DRC11: variants seen among roughly 807,000 people sequenced by gnomAD.
The protein encoded by DRC11 is IQ and AAA domain-containing protein 1.
chr2:236,488,346 A>G, the DRC11 span, among the ~76,000 whole-genome samples: 36 of 152,332 alleles, frequency 2.4e-4, no homozygotes, highest in Admixed American at 2.2e-3. Flanking sequence ...TCATTTTTCC[A>G]GTGAATGATG....
the DRC11 span, among the ~76,000 whole-genome samples, chr2:236,309,389 T>G: frequency 6.6e-6 from 1 of 152,044 alleles, no homozygotes; most frequent in African/African-American, 2.4e-5. The surrounding 1 kb of genome is among the most constrained non-coding windows in gnomAD (Gnocchi z 5.7). Flanking sequence ...CCCGAGAGGT[T>G]CCAGGGTCCC....
At chr2:236,351,338 C>T in the DRC11 span, among the ~76,000 whole-genome samples, 1 of 152,034 alleles carries the variant, frequency 6.6e-6, no homozygotes, top group African/African-American at 2.4e-5. This position sits in a 1 kb window ranked among gnomAD's most constrained non-coding sequence, Gnocchi z 7.3. Flanking sequence ...GAACCAGGAA[C>T]GGAGACCGCA....
the DRC11 span, among the ~76,000 whole-genome samples, chr2:236,317,690 G>A: frequency 6.6e-6 from 1 of 152,120 alleles, no homozygotes; most frequent in Non-Finnish European, 1.5e-5. This position sits in a 1 kb window ranked among gnomAD's most constrained non-coding sequence, Gnocchi z 5.4. Flanking sequence ...CACCCCTCAT[G>A]GATATTTACA....
the DRC11 span, chr2:236,368,398 T>G: frequency 1.5e-6 from 1 of 660,976 alleles, no homozygotes; most frequent in African/African-American, 1.8e-5. Flanking sequence ...GAATACAAAT[T>G]GAACATTTCA....
the DRC11 span, among the ~76,000 whole-genome samples, chr2:236,373,490 A>T: frequency 6.6e-6 from 1 of 152,034 alleles, no homozygotes; most frequent in Admixed American, 6.6e-5. Flanking sequence ...ACCTCCAATG[A>T]TCCGCCCACC....
chr2:236,418,403 C>T, the DRC11 span, among the ~76,000 whole-genome samples: 1 of 152,200 alleles, frequency 6.6e-6, no homozygotes, highest in Admixed American at 6.5e-5. Context: ...GAGCTGATTC[C>T]GACTGGATTT....
At chr2:236,410,919 G>A in the DRC11 span, among the ~76,000 whole-genome samples, 3 of 146,068 alleles carry the variant, frequency 2.1e-5, no homozygotes, top group Non-Finnish European at 3.0e-5. Context: ...AGACTTAAAC[G>A]TTAGATCTAA....
At chr2:236,397,313 C>T in the DRC11 span, among the ~76,000 whole-genome samples, 2 of 152,342 alleles carry the variant, frequency 1.3e-5, no homozygotes, top group South Asian at 4.1e-4. This position sits in a 1 kb window ranked among gnomAD's most constrained non-coding sequence, Gnocchi z 5.0. Context: ...ATTGTCTTTA[C>T]ATAGTCGTAT....
chr2:236,362,928 T>G, the DRC11 span, among the ~76,000 whole-genome samples: 1 of 152,160 alleles, frequency 6.6e-6, no homozygotes, highest in African/African-American at 2.4e-5. This position sits in a 1 kb window ranked among gnomAD's most constrained non-coding sequence, Gnocchi z 5.7. Flanking sequence ...TTTGGTGTAT[T>G]AGCGTGACAC....
At chr2:236,399,564 G>T in the DRC11 span, 3 of 1,231,406 alleles carry the variant, frequency 2.4e-6, no homozygotes, top group African/African-American at 1.5e-5. This position sits in a 1 kb window ranked among gnomAD's most constrained non-coding sequence, Gnocchi z 7.0. Flanking sequence ...TGATAACCGT[G>T]ACGAGGGTCC....
the DRC11 span, among the ~76,000 whole-genome samples, chr2:236,462,672 AAAACAAAC>A: frequency 6.6e-6 from 1 of 152,092 alleles, no homozygotes; most frequent in African/African-American, 2.4e-5. The surrounding 1 kb of genome is among the most constrained non-coding windows in gnomAD (Gnocchi z 6.4). Context: ...CCCTGCCTCA[AAAACAAAC>A]AAACAAACAA....
At chr2:236,418,292 T>C in the DRC11 span, among the ~76,000 whole-genome samples, 1 of 152,202 alleles carries the variant, frequency 6.6e-6, no homozygotes, top group Admixed American at 6.5e-5. Context: ...TAGTATCTCA[T>C]TGTGGTTTTG....
At chr2:236,401,302 T>C in the DRC11 span, among the ~76,000 whole-genome samples, 1 of 152,196 alleles carries the variant, frequency 6.6e-6, no homozygotes, top group Non-Finnish European at 1.5e-5. The surrounding 1 kb of genome is among the most constrained non-coding windows in gnomAD (Gnocchi z 4.6). Flanking sequence ...ACCCTTGTCC[T>C]ACACTTTCTG....
At chr2:236,427,197 T>C in the DRC11 span, among the ~76,000 whole-genome samples, 1 of 152,168 alleles carries the variant, frequency 6.6e-6, no homozygotes, top group African/African-American at 2.4e-5. The surrounding 1 kb of genome is among the most constrained non-coding windows in gnomAD (Gnocchi z 5.9). Flanking sequence ...TTGTTGAGGG[T>C]TTCTGCATCT....
At chr2:236,347,183 G>C in the DRC11 span, among the ~76,000 whole-genome samples, 8 of 152,170 alleles carry the variant, frequency 5.3e-5, no homozygotes, top group Non-Finnish European at 1.2e-4. Context: ...CTGAATGTGG[G>C]GGTGATCTGC....
At chr2:236,435,749 G>A in the DRC11 span, among the ~76,000 whole-genome samples, 1 of 152,310 alleles carries the variant, frequency 6.6e-6, no homozygotes, top group South Asian at 2.1e-4. Flanking sequence ...TGAGATTTGG[G>A]TGGGGATACA....
At chr2:236,389,077 G>C in the DRC11 span, among the ~76,000 whole-genome samples, 2 of 152,156 alleles carry the variant, frequency 1.3e-5, no homozygotes, top group Non-Finnish European at 1.5e-5. Flanking sequence ...CTGTCAGACA[G>C]GGACATTTAA....
At chr2:236,355,048 C>G in the DRC11 span, among the ~76,000 whole-genome samples, 1 of 152,204 alleles carries the variant, frequency 6.6e-6, no homozygotes, top group Admixed American at 6.5e-5. Context: ...CGAGAAGTTT[C>G]CTATGTGTCG....
At chr2:236,322,956 TG>T in the DRC11 span, among the ~76,000 whole-genome samples, 1 of 152,236 alleles carries the variant, frequency 6.6e-6, no homozygotes, top group Non-Finnish European at 1.5e-5. Flanking sequence ...AAAGTTCTAC[TG>T]GATGGTGCTC....
Sources: gnomAD v4.1 joint callset for allele counts (sites outside exome capture counted in the v4.1 genomes callset) on GRCh38, gnomAD v4.1.1 for gene constraint, Gnocchi (gnomAD v3.1) non-coding constraint, MANE v1.5 for transcripts, NCBI Gene and HGNC (gene_info 2026-07-23, HGNC 2026-07-21) for gene names.